Variants in OSBPL5 observed in about 807,000 individuals in gnomAD.
The protein encoded by OSBPL5 is oxysterol-binding protein-related protein 5.
OSBPL5 carries 71 observed loss-of-function variants against 111.2 expected under a neutral mutation model. The ratio of observed to expected loss-of-function variants is 0.64; its 90% CI spans 0.53 to 0.78. The LOEUF is 0.78. Among genes scored for constraint, OSBPL5 ranks in the 30% least tolerant of loss-of-function variants. The pLI, the probability that OSBPL5 is intolerant of heterozygous loss-of-function variation, is 0.00. For synonymous variants in OSBPL5, 549 were observed against 513.9 expected, an observed-to-expected ratio of 1.07 and a Z score of -0.93; for missense variants, 1,210 against 1,189.3, an observed-to-expected ratio of 1.02 and a Z score of -0.26.
At chr11:3,124,811 A>AATGGATGGAAGG (rs1858551060) in intron 3 of OSBPL5, among the ~76,000 whole-genome samples, 1 of 150,666 alleles carries the variant, frequency 6.6e-6, no homozygotes, top group Non-Finnish European at 1.5e-5. Context: ...TGAATGGATG[A>AATGGATGGAAGG]ATGGATGGAT....
At chr11:3,122,231 G>A (rs1254622937) in intron 4 of OSBPL5, 117 bp downstream of exon 4, 4 of 1,342,226 alleles carry the variant, frequency 3.0e-6, no homozygotes, top group Admixed American at 4.0e-5. Flanking sequence ...GGGGTGTGGA[G>A]GCGACCAGGT....
At position 3,152,232 on chromosome 11, in the gene OSBPL5, C is replaced by T. The variant is rs117736204; in HGVS notation, c.-22+12984G>A. ...AAAAGCTAACATGTAGTCAGTGGTTCGTGTTCATGGTGCGTGTTTTCATAG... is the reference window on the plus strand; with the variant it reads ...AAAAGCTAACATGTAGTCAGTGGTTTGTGTTCATGGTGCGTGTTTTCATAG... On this transcript the variant is annotated intron_variant, in intron 1 of 21. Transcript: ENST00000263650. Among the ~76,000 whole-genome samples, 80 of 152,262 alleles carry T rather than the reference C, an allele frequency of 5.3e-4. No homozygotes were observed. In the East Asian group the frequency reaches 0.015, roughly 29 times the overall value.
At chr11:3,156,052 T>C (rs1184806430) in intron 1 of OSBPL5, among the ~76,000 whole-genome samples, 1 of 152,226 alleles carries the variant, frequency 6.6e-6, no homozygotes, top group African/African-American at 2.4e-5. Flanking sequence ...CACAGCCCTA[T>C]GCTGAGGCAG....
chr11:3,115,361 C>T (rs753699032), intron 7 of OSBPL5, among the ~76,000 whole-genome samples: 7 of 152,058 alleles, frequency 4.6e-5, no homozygotes, highest in East Asian at 3.8e-4. Flanking sequence ...AAAGTCCTTG[C>T]GACATTGAGT....
chr11:3,090,492 A>T, intron 20 of OSBPL5, 66 bp downstream of exon 20: 2 of 1,572,268 alleles, frequency 1.3e-6, no homozygotes, highest in Non-Finnish European at 8.7e-7. Context: ...CCTCCCCTCC[A>T]GCCAGGTCAG....
In OSBPL5 at chr11:3,130,191, C is replaced by T. The variant is rs1280784197; in HGVS notation, c.-21-1022G>A. Among the ~76,000 whole-genome samples, 2 of 152,224 alleles carry T rather than the reference C, an allele frequency of 1.3e-5. No individual in the cohort carries two copies. Among genetic ancestry groups the T allele is most frequent in the South Asian group, 2.1e-4 (1 of 4,830 alleles). On this transcript the variant is annotated intron_variant, in intron 1 of 21. Coordinates refer to ENST00000263650, the MANE Select transcript of OSBPL5 (RefSeq NM_020896.4). The surrounding 1 kb of genome is among the most constrained non-coding windows in gnomAD (Gnocchi z 4.5). ...TGGCTCAGGGAGTGGAAGGCCTCGA[C>T]CTGTAATCGTGACCTGACAAGGGTT...
intron 1 of OSBPL5, among the ~76,000 whole-genome samples, chr11:3,139,151 C>T (rs902738171): frequency 6.6e-6 from 1 of 152,220 alleles, no homozygotes; most frequent in Non-Finnish European, 1.5e-5. Context: ...ACCACCACAG[C>T]TGTTCCCGTT....
At chr11:3,150,915 C>T (rs1388372949) in intron 1 of OSBPL5, among the ~76,000 whole-genome samples, 2 of 152,194 alleles carry the variant, frequency 1.3e-5, no homozygotes, top group Non-Finnish European at 2.9e-5. Flanking sequence ...TCACGGCGGG[C>T]TGCCCGCTGT....
intron 7 of OSBPL5, among the ~76,000 whole-genome samples, chr11:3,111,164 C>A (rs1404393078): frequency 6.6e-6 from 1 of 150,678 alleles, no homozygotes; most frequent in Non-Finnish European, 1.5e-5. Context: ...CCACCCCCTG[C>A]CACAGAGAAT....
At chr11:3,157,218 C>T (rs4758472) in intron 1 of OSBPL5, among the ~76,000 whole-genome samples, 78,256 of 152,078 alleles carry the variant, frequency 0.51, 21,427 homozygotes, top group African/African-American at 0.69. Flanking sequence ...CGGTGCTTCC[C>T]GAGCACGTGG....
intron 19 of OSBPL5, among the ~76,000 whole-genome samples, chr11:3,091,083 G>A (rs1857040302): frequency 6.6e-6 from 1 of 152,260 alleles, no homozygotes; most frequent in African/African-American, 2.4e-5. Flanking sequence ...CGAGGCCACT[G>A]TGGGAGCTGG....
In OSBPL5 at chr11:3,107,925, G is replaced by A; in HGVS notation, c.712C>T (p.Leu238=). ...ESDGRCWLDA[L]ELALRCSSLL... ...CTAGAGCAGCGCAGGGCCAGCTCCA[G>A]GGCGTCCAGCCAGCAGCGACCTGCG... is the stretch of plus-strand genomic sequence containing the variant. The change falls in exon 8 of 22, where the codon CTG becomes TTG. Residue 238 remains leucine, a synonymous_variant. Coordinates refer to ENST00000263650, the MANE Select transcript of OSBPL5 (RefSeq NM_020896.4). The surrounding 1 kb of genome is among the most constrained non-coding windows in gnomAD (Gnocchi z 6.1). 1.2e-6 allele frequency: 2 copies of A among 1,600,502 alleles called. No homozygotes were observed. The highest frequency in any genetic ancestry group is 8.5e-7 in the Non-Finnish European group (1 of 1,179,760).
chr11:3,112,340 A>G (rs1351186443), intron 7 of OSBPL5, among the ~76,000 whole-genome samples: 3 of 152,202 alleles, frequency 2.0e-5, no homozygotes, highest in Non-Finnish European at 4.4e-5. Context: ...CTTAAAGAAA[A>G]TGGAGAGGGT....
At chr11:3,124,841 C>T (rs12362154) in intron 3 of OSBPL5, among the ~76,000 whole-genome samples, 12 of 79,418 alleles carry the variant, frequency 1.5e-4, no homozygotes, top group South Asian at 3.2e-4. Flanking sequence ...GATGGATGGA[C>T]GCATGAACCT....
chr11:3,164,676 C>G (rs900957152), intron 1 of OSBPL5, among the ~76,000 whole-genome samples: 1 of 152,206 alleles, frequency 6.6e-6, no homozygotes, highest in Non-Finnish European at 1.5e-5. Flanking sequence ...ATCCAGGCAG[C>G]CCCCTGACTC....
At chr11:3,149,985 CAT>C (rs1157936573) in intron 1 of OSBPL5, among the ~76,000 whole-genome samples, 1 of 152,244 alleles carries the variant, frequency 6.6e-6, no homozygotes, top group Non-Finnish European at 1.5e-5. Context: ...CACACATACA[CAT>C]GTGCACAGAT....
Position 3,121,940 on chromosome 11 carries a change from T to TA in OSBPL5, c.402+56dup. ...GGCCACCTGGTTTATGGTCCTTTGT[T>TA]ATGGCAGCAGCACGCTGACCCGTGT... On this transcript the variant is annotated intron_variant, in intron 5 of 21. Transcript: ENST00000263650. The surrounding 1 kb of genome is among the most constrained non-coding windows in gnomAD (Gnocchi z 4.3). The TA allele has an allele frequency of 1.4e-6, 2 of 1,461,980 alleles. No individual in the cohort carries two copies. Among genetic ancestry groups the TA allele is most frequent in the Non-Finnish European group, 9.3e-7 (1 of 1,078,916 alleles). The allele number at this position is 1,461,980 out of a possible 1,614,324, so 90.6% of individuals were successfully genotyped here.
Position 3,107,207 on chromosome 11 carries a change from G to GT in OSBPL5, c.1059+55_1059+56insA, listed in dbSNP as rs1476798761. The GT allele has an allele frequency of 1.7e-5, 26 of 1,571,154 alleles. No homozygotes were observed. The African/African-American group carries it at 3.4e-4, about 21-fold the overall frequency. On this transcript the variant is annotated intron_variant, in intron 9 of 21. Transcript: ENST00000263650. This position sits in a 1 kb window ranked among gnomAD's most constrained non-coding sequence, Gnocchi z 6.1. ...TGAGGCATGGCTACCTCTGCTTCCG[G>GT]AACAAGGGGCCGAGGCAGGGGAGAC...
chr11:3,114,852 C>T (rs1288420030), intron 7 of OSBPL5, among the ~76,000 whole-genome samples: 5 of 152,056 alleles, frequency 3.3e-5, no homozygotes, highest in Non-Finnish European at 5.9e-5. Flanking sequence ...CCTCCTGCCT[C>T]GGCCTCCCAA....
Sources: gnomAD v4.1 joint callset for allele counts (sites outside exome capture counted in the v4.1 genomes callset) on GRCh38, gnomAD v4.1.1 for gene constraint, Gnocchi (gnomAD v3.1) non-coding constraint, MANE v1.5 for transcripts, NCBI Gene and HGNC (gene_info 2026-07-23, HGNC 2026-07-21) for gene names.